Variants in FCRLB observed in about 807,000 individuals in gnomAD.
FCRLB encodes Fc receptor like B, also known as Fc receptor-like B.
Under a neutral mutation model 33.6 loss-of-function variants are expected in FCRLB, and 34 were observed. The observed-to-expected ratio is 1.01, with a 90% confidence interval of 0.77 to 1.35. The LOEUF is 1.35. FCRLB is among the 40% of genes most tolerant of loss of function. FCRLB has a pLI of 0.00. For missense variants in FCRLB, 560 were observed against 580.2 expected (o/e 0.97, Z 0.36); for synonymous variants, 280 against 255.9 (o/e 1.09, Z -0.90).
chr1:161,726,744 G>C lies in FCRLB; in HGVS notation c.616G>C (p.Glu206Gln). The change falls in exon 7 of 8, where the codon GAG (glutamate) becomes CAG (glutamine). Residue 206 changes from glutamate to glutamine, a missense_variant. Glu to Gln is a conservative substitution (Grantham distance 29, BLOSUM62 2). Coordinates refer to ENST00000367948, the Ensembl canonical transcript of FCRLB. The surrounding 1 kb of genome is among the most constrained non-coding windows in gnomAD (Gnocchi z 5.2). ...GGTGCTGAGGGTGATGGGTCCGCGG[G>C]AGGCCCGCGGCGCGGCGCTGGGTGG... is the stretch of plus-strand genomic sequence containing the variant. 6.3e-7 allele frequency: 1 copy of C among 1,593,666 alleles called. No individual in the cohort carries two copies. The highest frequency in any genetic ancestry group is 8.5e-7 in the Non-Finnish European group (1 of 1,173,810).
At position 161,723,385 on chromosome 1, in the gene FCRLB, T is replaced by A. The variant is rs761831033; in HGVS notation, c.71T>A (p.Ile24Lys). 9.3e-6 allele frequency: 15 copies of A among 1,613,204 alleles called. No individual in the cohort carries two copies. The South Asian group carries it at 1.6e-4, about 18-fold the overall frequency. Reference sequence around the variant, plus strand: ...ACCCCAGCTACTCTGGAGAAGCCCATATTGTCTCTACATCCACCTTGGACC... The same window carrying A: ...ACCCCAGCTACTCTGGAGAAGCCCAAATTGTCTCTACATCCACCTTGGACC... The change falls in exon 5 of 8, where the codon ATA becomes AAA. Residue 24 changes from isoleucine to lysine, a missense_variant. Physicochemically the swap from Ile to Lys is moderately radical, Grantham distance 102. Transcript: ENST00000367948.
At chr1:161,723,269 G>T in intron 4 of FCRLB, 98 bp from the exon 5 acceptor site, 2 of 1,462,632 alleles carry the variant, frequency 1.4e-6, no homozygotes, top group South Asian at 2.6e-5. Context: ...CTGCGAGCTG[G>T]GGTTTCCTAA....
intron 2 of FCRLB, among the ~76,000 whole-genome samples, 172 bp downstream of exon 2, chr1:161,722,022 T>C (rs1683389920): frequency 6.6e-6 from 1 of 152,160 alleles, no homozygotes; most frequent in African/African-American, 2.4e-5. Context: ...GAACTCAAGA[T>C]TTCAGGAAGG....
chr1:161,722,699 C>T (rs1170097064), exon 3 of FCRLB: 7 of 1,614,100 alleles, frequency 4.3e-6, no homozygotes, highest in African/African-American at 2.7e-5. Context: ...CCCTTCTGCT[C>T]CTGGGTGAGT....
At chr1:161,727,381 A>C (rs755884042) in exon 8 of FCRLB, 2 of 1,613,462 alleles carry the variant, frequency 1.2e-6, no homozygotes, top group South Asian at 2.2e-5. Flanking sequence ...CGTCCGGAAC[A>C]CCACCTCCAC....
intron 4 of FCRLB, 59 bp downstream of exon 4, chr1:161,723,068 T>C: frequency 1.9e-6 from 3 of 1,601,796 alleles, no homozygotes; most frequent in Non-Finnish European, 2.6e-6. Flanking sequence ...ACCCCCTAAG[T>C]GACCTTTTCA....
exon 8 of FCRLB, chr1:161,728,001 A>C (rs1683658338): frequency 4.4e-6 from 1 of 224,810 alleles, no homozygotes; most frequent in Non-Finnish European, 8.9e-6. Context: ...GTATTTAAGT[A>C]CATTGAGGTA....
Position 161,726,401 on chromosome 1 carries a change from T to C in FCRLB, c.575-302T>C, listed in dbSNP as rs2101679010. On this transcript the variant is annotated intron_variant, in intron 6 of 7. Transcript: ENST00000367948. The surrounding 1 kb of genome is among the most constrained non-coding windows in gnomAD (Gnocchi z 5.2). ...ACGAAGGAGCGACTCCCTAGCGTCC[T>C]GCAAGGCAGGCGCAGCGTCTCCTAT... 1 of 719,246 alleles carries C rather than the reference T, an allele frequency of 1.4e-6. No homozygotes were observed. The highest frequency in any genetic ancestry group is 2.0e-5 in the Admixed American group (1 of 49,820). The allele number at this position is 719,246 out of a possible 1,614,324, so 44.6% of individuals were successfully genotyped here. A position where few individuals can be genotyped will look rare whatever the true frequency, so the allele number is the denominator to read the frequency against.
exon 8 of FCRLB, chr1:161,727,796 G>A (rs1683652624): frequency 5.3e-6 from 6 of 1,133,572 alleles, no homozygotes; most frequent in Non-Finnish European, 7.3e-6. Context: ...CCCACGAAGT[G>A]TAGTGGCTGA....
intron 3 of FCRLB, 141 bp from the exon 4 acceptor site, chr1:161,722,848 T>C: frequency 6.7e-7 from 1 of 1,487,422 alleles, no homozygotes; most frequent in Non-Finnish European, 9.2e-7. Flanking sequence ...AGAAGGGGCT[T>C]TCTCAGAGCT....
At chr1:161,723,806 T>G (rs772470489) in intron 5 of FCRLB, among the ~76,000 whole-genome samples, 185 bp downstream of exon 5, 101 of 152,176 alleles carry the variant, frequency 6.6e-4, no homozygotes, top group Non-Finnish European at 1.3e-3. Context: ...CAGTAAGGCA[T>G]GCCTAGCCCC....
Position 161,723,363 on chromosome 1 carries a change from C to T in FCRLB, c.53-4C>T. On this transcript the variant is annotated splice_region_variant and splice_polypyrimidine_tract_variant and intron_variant, in intron 4 of 7. Coordinates refer to ENST00000367948, the Ensembl canonical transcript of FCRLB. ...GCCCCCTCTCACCCCACTCCCCACC[C>T]CAGCTACTCTGGAGAAGCCCATATT... 1.9e-6 allele frequency: 3 copies of T among 1,613,746 alleles called. No homozygotes were observed. The highest frequency in any genetic ancestry group is 1.1e-5 in the South Asian group (1 of 91,050).
rs1347214445 is a variant in FCRLB at position 161,727,631 on chromosome 1, GA to G, written c.1252del (p.Thr418ProfsTer91). The G allele has an allele frequency of 1.9e-6, 3 of 1,613,626 alleles. No homozygotes were observed. The Admixed American group carries it at 5.0e-5, about 27-fold the overall frequency. Reference sequence around the variant, plus strand: ...ACCTCTCACTTTGCTGTGAGCCCGGGAACCCCAGAGACCACTCCTGTGGAGA... The same window carrying G: ...ACCTCTCACTTTGCTGTGAGCCCGGGACCCCAGAGACCACTCCTGTGGAGA... On this transcript the variant is annotated frameshift_variant, in exon 8 of 8. Transcript: ENST00000367948. LOFTEE classifies it high-confidence loss of function.
chr1:161,727,175 A>AAC, intron 7 of FCRLB, 72 bp from the exon 8 acceptor site: 7 of 1,419,800 alleles, frequency 4.9e-6, no homozygotes, highest in Non-Finnish European at 5.6e-6. Context: ...CCACCGCCCT[A>AAC]CGCCCCTCCC....
chr1:161,724,656 C>T (rs1164634218), intron 5 of FCRLB, among the ~76,000 whole-genome samples: 8 of 152,068 alleles, frequency 5.3e-5, no homozygotes, highest in Non-Finnish European at 7.4e-5. Flanking sequence ...GTTTCTTGTT[C>T]GGAAATCATT....
chr1:161,722,265 C>T (rs1323404649), intron 2 of FCRLB, among the ~76,000 whole-genome samples: 1 of 152,162 alleles, frequency 6.6e-6, no homozygotes, highest in African/African-American at 2.4e-5. Context: ...TCAGCTGAGC[C>T]TTGCAGGGCT....
chr1:161,722,066 G>A (rs1683391205), intron 2 of FCRLB, among the ~76,000 whole-genome samples: 1 of 152,182 alleles, frequency 6.6e-6, no homozygotes, highest in African/African-American at 2.4e-5. Flanking sequence ...TTCTATCCTT[G>A]ACTGGGGAAC....
rs116660748 is a variant in FCRLB at position 161,723,020 on chromosome 1, T to A, written c.52+11T>A. Reference sequence around the variant, plus strand: ...GCAGTGGGCAAGCTGGTGAGTCTTATAAATTTCTCATCCCAATTTTCTACA... The same window carrying A: ...GCAGTGGGCAAGCTGGTGAGTCTTAAAAATTTCTCATCCCAATTTTCTACA... On this transcript the variant is annotated intron_variant, in intron 4 of 7. Transcript: ENST00000367948. The A allele has an allele frequency of 6.2e-7, 1 of 1,613,954 alleles. No homozygotes were observed. Among genetic ancestry groups the A allele is most frequent in the Admixed American group, 1.7e-5 (1 of 60,012 alleles).
rs1166338040 is a variant in FCRLB at position 161,726,240 on chromosome 1, G to A, written c.574+153G>A. 3.1e-6 allele frequency: 4 copies of A among 1,307,774 alleles called. No individual in the cohort carries two copies. Among genetic ancestry groups the A allele is most frequent in the East Asian group, 2.5e-5 (1 of 40,516 alleles). 81.0% of individuals were successfully genotyped at this position (1,307,774 alleles called of 1,614,324 possible). ...TGGACGCTGTCTCCTCTCCTTTGCC[G>A]TGAAGCAGCGCTTGATCCGCCGCCT... On this transcript the variant is annotated intron_variant, in intron 6 of 7. Transcript: ENST00000367948. The surrounding 1 kb of genome is among the most constrained non-coding windows in gnomAD (Gnocchi z 5.2).
Sources: allele counts gnomAD v4.1 joint callset (sites outside exome capture counted in the v4.1 genomes callset), GRCh38; gene constraint gnomAD v4.1.1; non-coding constraint Gnocchi (gnomAD v3.1); transcripts MANE v1.5; gene names NCBI Gene and HGNC (gene_info 2026-07-23, HGNC 2026-07-21).